The following CLPX variants were observed in gnomAD, a reference collection of about 807,000 sequenced individuals.
The protein encoded by CLPX is caseinolytic mitochondrial matrix peptidase chaperone subunit X.
A neutral mutation model predicts 76.4 loss-of-function variants in CLPX; 34 were observed. The observed-to-expected ratio is 0.45, with a 90% CI of 0.34 to 0.59. CLPX has a LOEUF of 0.59. Among genes scored for constraint, CLPX ranks in the 20% least tolerant of loss-of-function variants. The pLI, the probability that CLPX is intolerant of heterozygous loss-of-function variation, is 0.01. For synonymous variants in CLPX, 248 were observed against 270.9 expected (o/e 0.92, Z 0.83); for missense variants, 613 against 757.0 (o/e 0.81, Z 2.23).
chr15:65,167,950 C>T (rs2087940522), intron 3 of CLPX, among the ~76,000 whole-genome samples: 1 of 151,794 alleles, frequency 6.6e-6, no homozygotes, highest in Admixed American at 6.6e-5. Flanking sequence ...CCACTAGTTC[C>T]TATTTCTCTG....
chr15:65,168,002 A>G (rs2087941036), intron 3 of CLPX, among the ~76,000 whole-genome samples: 1 of 152,098 alleles, frequency 6.6e-6, no homozygotes, highest in African/African-American at 2.4e-5. Flanking sequence ...CTGCTTTCTC[A>G]GTCATACTGA....
chr15:65,177,151 C>T (rs998788800), intron 3 of CLPX, among the ~76,000 whole-genome samples: 2 of 151,918 alleles, frequency 1.3e-5, no homozygotes, highest in African/African-American at 4.8e-5. Context: ...TCACCATGAC[C>T]TCCACCTCCC....
At chr15:65,178,344 A>T (rs1482700190) in intron 3 of CLPX, among the ~76,000 whole-genome samples, 1 of 152,238 alleles carries the variant, frequency 6.6e-6, no homozygotes, top group Non-Finnish European at 1.5e-5. Context: ...TTTGAAATAA[A>T]CACAAGTAAG....
At chr15:65,162,695 A>T in intron 5 of CLPX, 50 bp from the exon 6 acceptor site, 1 of 1,012,908 alleles carries the variant, frequency 9.9e-7, no homozygotes, top group South Asian at 1.4e-5. Context: ...TGGGGGAACA[A>T]ACAATGAGTA....
chr15:65,183,514 A>C (rs1299507338), intron 1 of CLPX, among the ~76,000 whole-genome samples: 5 of 150,766 alleles, frequency 3.3e-5, no homozygotes, highest in Admixed American at 3.3e-4. Context: ...AAAGACAGAT[A>C]GTAGATGGAA....
chr15:65,155,751 C>A lies in CLPX; in HGVS notation c.1252G>T (p.Val418Leu), dbSNP rs1306898547. ...AAACCATTGAAAGCACCAGATGCCA[C>A]AAACAGGATGTTTGTTGTATCAACT... ...VQVDTTNILFVASGAFNGLDR... is the reference protein window; with the variant it reads ...VQVDTTNILFLASGAFNGLDR... The change falls in exon 10 of 14, where the codon GTG becomes TTG. Residue 418 changes from valine to leucine, a missense_variant. Around this residue, in one of 2 missense-constraint regions of CLPX, gnomAD observed 450 missense variants for 638.6 expected, o/e 0.70. Transcript: ENST00000300107. 79 of 1,614,020 alleles carry A rather than the reference C, an allele frequency of 4.9e-5. No homozygotes were observed. Among genetic ancestry groups the A allele is most frequent in the Non-Finnish European group, 6.6e-5 (78 of 1,180,008 alleles).
At position 65,164,025 on chromosome 15, in the gene CLPX, C is replaced by A; in HGVS notation, c.673+4G>T. 2.5e-6 allele frequency: 4 copies of A among 1,612,388 alleles called. No homozygotes were observed. Among genetic ancestry groups the A allele is most frequent in the Non-Finnish European group, 3.4e-6 (4 of 1,179,210 alleles). ...CTATTTAGGTCAATTATCAAAAACG[C>A]TACCTCTTGGTGTTAATGATGTCTG... On this transcript the variant is annotated splice_donor_region_variant and intron_variant, in intron 5 of 13. Transcript: ENST00000300107.
chr15:65,148,951 GT>G lies in CLPX; in HGVS notation c.*1871del, dbSNP rs1266238492. On this transcript the variant is annotated 3_prime_UTR_variant, in exon 14 of 14. Coordinates refer to ENST00000300107, the MANE Select transcript of CLPX (RefSeq NM_006660.5). Reference sequence around the variant, plus strand: ...TTTTTAGCTTTGCTGTATAATGAAGGTTAGTAACTTATATGTTAGTGTGAAC... The same window carrying G: ...TTTTTAGCTTTGCTGTATAATGAAGGTAGTAACTTATATGTTAGTGTGAAC... The G allele has an allele frequency of 6.6e-6, 1 of 152,156 alleles. No homozygotes were observed. The highest frequency in any genetic ancestry group is 1.5e-5 in the Non-Finnish European group (1 of 68,022). The allele number at this position is 152,156 out of a possible 1,614,324, so 9.4% of individuals were successfully genotyped here.
chr15:65,184,990 G>T, intron 1 of CLPX, 85 bp downstream of exon 1: 1 of 1,177,578 alleles, frequency 8.5e-7, no homozygotes, highest in Non-Finnish European at 1.2e-6. Context: ...AGCAGGCCTC[G>T]TGCCCTCCCC....
intron 13 of CLPX, among the ~76,000 whole-genome samples, chr15:65,151,755 A>C (rs923916276): frequency 5.9e-5 from 9 of 152,204 alleles, no homozygotes; most frequent in Admixed American, 3.3e-4. Flanking sequence ...CTGCCTCTAA[A>C]GTTATCTTGG....
At chr15:65,172,649 A>C (rs956263587) in intron 3 of CLPX, among the ~76,000 whole-genome samples, 1 of 152,144 alleles carries the variant, frequency 6.6e-6, no homozygotes, top group African/African-American at 2.4e-5. Context: ...AAGAAAAAGA[A>C]AGACAAAGGA....
chr15:65,162,607 T>C lies in CLPX; in HGVS notation c.712A>G (p.Thr238Ala), dbSNP rs181452957. The change falls in exon 6 of 14, where the codon ACA becomes GCA. Residue 238 changes from threonine (T) to alanine (A), a missense_variant. Thr to Ala is a moderately conservative substitution (Grantham distance 58, BLOSUM62 0). Coordinates refer to ENST00000300107, the MANE Select transcript of CLPX (RefSeq NM_006660.5). ...IRRREDEYRF[T>A]KLLQIAGISP... ...AGGAGGACCTGAAGTCACTTACTTGTAAATCTGTACTCATCCTCCCGTCTT... is the reference window on the plus strand; with the variant it reads ...AGGAGGACCTGAAGTCACTTACTTGCAAATCTGTACTCATCCTCCCGTCTT... The C allele has an allele frequency of 2.0e-5, 31 of 1,583,452 alleles. No individual in the cohort carries two copies. The Admixed American group carries it at 3.2e-4, about 16-fold the overall frequency.
At chr15:65,168,395 A>AAG (rs2087949509) in intron 3 of CLPX, among the ~76,000 whole-genome samples, 1 of 149,050 alleles carries the variant, frequency 6.7e-6, no homozygotes, top group Admixed American at 6.7e-5. Flanking sequence ...AAAAAAAAAA[A>AAG]AAAAAAAAAA....
intron 13 of CLPX, 107 bp from the exon 14 acceptor site, chr15:65,151,020 T>C (rs2087712303): frequency 1.0e-5 from 7 of 685,900 alleles, no homozygotes; most frequent in Non-Finnish European, 1.7e-5. Context: ...AAAGCCACGA[T>C]AATAGAAAAT....
Position 65,162,608 on chromosome 15 carries a change from A to G in CLPX, c.711T>C (p.Phe237=). Reference sequence around the variant, plus strand: ...GGAGGACCTGAAGTCACTTACTTGTAAATCTGTACTCATCCTCCCGTCTTC... The same window carrying G: ...GGAGGACCTGAAGTCACTTACTTGTGAATCTGTACTCATCCTCCCGTCTTC... ...EIRRREDEYR[F]TKLLQIAGIS... is the part of the protein sequence containing the mutation. The change falls in exon 6 of 14, where the codon TTT becomes TTC. Residue 237 remains phenylalanine (F), a synonymous_variant. Transcript: ENST00000300107. The G allele has an allele frequency of 1.3e-6, 2 of 1,584,152 alleles. No individual in the cohort carries two copies. Among genetic ancestry groups the G allele is most frequent in the Non-Finnish European group, 8.6e-7 (1 of 1,156,168 alleles).
chr15:65,150,823 T>C lies in CLPX; in HGVS notation c.1902A>G (p.Ter634=), dbSNP rs2087710262. 4 of 1,605,104 alleles carry C rather than the reference T, an allele frequency of 2.5e-6. No individual in the cohort carries two copies. Among genetic ancestry groups the C allele is most frequent in the Non-Finnish European group, 3.4e-6 (4 of 1,172,372 alleles). The change falls in exon 14 of 14, where the codon TAA becomes TAG. Residue 634 remains the stop codon, a stop_retained_variant. Coordinates refer to ENST00000300107, the MANE Select transcript of CLPX (RefSeq NM_006660.5). ...ATATACAAGACAGCAATATGACAGT[T>C]TAGCTGTTTGCAGCATCTGCTTGGC... is the stretch of plus-strand genomic sequence containing the variant. ...WPRQADAANS[*]
At chr15:65,181,456 T>C (rs1170384213) in intron 1 of CLPX, among the ~76,000 whole-genome samples, 2 of 151,950 alleles carry the variant, frequency 1.3e-5, no homozygotes, top group African/African-American at 4.8e-5. Context: ...CTTACCACAA[T>C]AAAAAAATTG....
At position 65,154,930 on chromosome 15, in the gene CLPX, A is replaced by G. The variant is rs35754835; in HGVS notation, c.1463T>C (p.Ile488Thr). The change falls in exon 11 of 14, where the codon ATT becomes ACT. Residue 488 changes from isoleucine to threonine, a missense_variant. This residue lies in a region of CLPX where 450 missense variants were observed against 638.6 expected (regional missense o/e 0.70). Coordinates refer to ENST00000300107, the MANE Select transcript of CLPX (RefSeq NM_006660.5). ...AAACTCAGGAATCATGCCAAACTCA[A>G]TCAGATCTCTGGCTTCCACATGACG... Reference protein sequence around the residue: ...LLRHVEARDLIEFGMIPEFVG... With the variant: ...LLRHVEARDLTEFGMIPEFVG... The G allele has an allele frequency of 2.3e-3, 3,647 of 1,614,104 alleles. 3 individuals are homozygous for G. The highest frequency in any genetic ancestry group is 2.8e-3 in the Non-Finnish European group (3,326 of 1,180,018).
At chr15:65,151,330 G>C (rs1379095945) in intron 13 of CLPX, among the ~76,000 whole-genome samples, 1 of 116,728 alleles carries the variant, frequency 8.6e-6, no homozygotes, top group Admixed American at 1.1e-4. Flanking sequence ...GGGCGACAGA[G>C]CAAGACTGAG....
Sources: gnomAD v4.1 joint callset for allele counts (sites outside exome capture counted in the v4.1 genomes callset) on GRCh38, gnomAD v4.1.1 for gene constraint, gnomAD v4.1.1 regional missense constraint, MANE v1.5 for transcripts, NCBI Gene and HGNC (gene_info 2026-07-23, HGNC 2026-07-21) for gene names.